DIAPH3: variants seen among roughly 807,000 people sequenced by gnomAD.
The protein encoded by DIAPH3 is diaphanous related formin 3.
DIAPH3 carries 117 observed loss-of-function variants against 144.3 expected under a neutral mutation model. The ratio of observed to expected loss-of-function variants is 0.81; its 90% confidence interval spans 0.70 to 0.95. DIAPH3 has a LOEUF of 0.95. Among genes scored for constraint, DIAPH3 ranks in the 40% least tolerant of loss-of-function variants. The pLI, the probability that DIAPH3 is intolerant of heterozygous loss-of-function variation, is 0.00. For synonymous variants in DIAPH3, 519 were observed against 488.9 expected, an observed-to-expected ratio of 1.06 and a Z score of -0.81; for missense variants, 1,421 against 1,412.7, an observed-to-expected ratio of 1.01 and a Z score of -0.09.
intron 27 of DIAPH3, among the ~76,000 whole-genome samples, chr13:59,727,088 T>G (rs1229190588): frequency 2.0e-5 from 3 of 152,152 alleles, no homozygotes; most frequent in African/African-American, 7.2e-5. Context: ...TACTTCTATC[T>G]GAAGAAACCT....
At chr13:60,003,693 C>T (rs1206835862) in intron 9 of DIAPH3, among the ~76,000 whole-genome samples, 2 of 152,018 alleles carry the variant, frequency 1.3e-5, no homozygotes, top group Non-Finnish European at 2.9e-5. Context: ...CCTGCCTCAG[C>T]CTCCCGAGTA....
At chr13:59,854,610 T>C (rs1430452586) in intron 22 of DIAPH3, among the ~76,000 whole-genome samples, 1 of 152,220 alleles carries the variant, frequency 6.6e-6, no homozygotes, top group South Asian at 2.1e-4. Context: ...TATACTATTC[T>C]GAAATTTTCT....
chr13:59,709,073 G>T (rs1411418821), intron 27 of DIAPH3, among the ~76,000 whole-genome samples: 2 of 152,046 alleles, frequency 1.3e-5, no homozygotes, highest in Non-Finnish European at 2.9e-5. Context: ...GCAGATCTAT[G>T]CCCATTTGGA....
intron 3 of DIAPH3, among the ~76,000 whole-genome samples, chr13:60,104,635 T>C (rs1446363130): frequency 6.6e-6 from 1 of 152,018 alleles, no homozygotes; most frequent in East Asian, 1.9e-4. Flanking sequence ...TTTTCTTTCA[T>C]ATACTGTAAA....
intron 20 of DIAPH3, among the ~76,000 whole-genome samples, chr13:59,884,174 C>T (rs1020199015): frequency 6.6e-6 from 1 of 152,088 alleles, no homozygotes; most frequent in African/African-American, 2.4e-5. Flanking sequence ...GTGAACTATG[C>T]ACGCAAAAGA....
chr13:59,795,796 A>G lies in DIAPH3; in HGVS notation c.3163+14992T>C, dbSNP rs542889004. On this transcript the variant is annotated intron_variant, in intron 25 of 27. Coordinates refer to ENST00000400324, the MANE Select transcript of DIAPH3 (RefSeq NM_001042517.2). ...CTGGGTGGCTTGCTATGGTTTCACA[A>G]CTTAAAGTTTGTTACTAGACAAACA... is the stretch of plus-strand genomic sequence containing the variant. Among the ~76,000 whole-genome samples, 50 of 152,256 alleles carry G rather than the reference A, an allele frequency of 3.3e-4. No individual in the cohort carries two copies. The South Asian group carries it at 3.5e-3, about 11-fold the overall frequency.
At chr13:60,066,469 T>G (rs1288430150) in intron 4 of DIAPH3, among the ~76,000 whole-genome samples, 1 of 152,188 alleles carries the variant, frequency 6.6e-6, no homozygotes, top group African/African-American at 2.4e-5. Context: ...CAGTCTAATA[T>G]TGTTTGCCAA....
intron 5 of DIAPH3, among the ~76,000 whole-genome samples, chr13:60,031,141 G>A (rs2054759983): frequency 6.6e-6 from 1 of 152,142 alleles, no homozygotes; most frequent in Non-Finnish European, 1.5e-5. Context: ...TTCTGGGAAG[G>A]CCTTAAGAAG....
intron 27 of DIAPH3, among the ~76,000 whole-genome samples, chr13:59,703,744 G>A (rs73208909): frequency 0.046 from 6,920 of 152,002 alleles, 180 homozygotes; most frequent in African/African-American, 0.055. Context: ...TCTTGTATGC[G>A]TGTTTATGTG....
intron 27 of DIAPH3, among the ~76,000 whole-genome samples, chr13:59,760,874 C>A (rs1566272149): frequency 6.6e-6 from 1 of 151,982 alleles, no homozygotes; most frequent in Non-Finnish European, 1.5e-5. Flanking sequence ...ACTAATTAAC[C>A]CAAAGAGGTT....
intron 2 of DIAPH3, among the ~76,000 whole-genome samples, 189 bp downstream of exon 2, chr13:60,132,768 C>T (rs902873635): frequency 2.6e-5 from 4 of 152,040 alleles, no homozygotes; most frequent in African/African-American, 9.7e-5. Flanking sequence ...ATCCACCATT[C>T]ACTTTACAAC....
At chr13:60,011,686 T>C (rs17730681) in intron 7 of DIAPH3, among the ~76,000 whole-genome samples, 10,630 of 152,158 alleles carry the variant, frequency 0.07, 408 homozygotes, top group Admixed American at 0.11. Flanking sequence ...GGCCTAGATA[T>C]TAGCACTTAG....
intron 27 of DIAPH3, among the ~76,000 whole-genome samples, chr13:59,735,564 G>C (rs2036101235): frequency 3.3e-5 from 5 of 152,008 alleles, no homozygotes; most frequent in African/African-American, 1.2e-4. Context: ...TATATGAGAG[G>C]GAGAAGAGAA....
rs565792953 is a variant in DIAPH3 at position 59,991,401 on chromosome 13, T to C, written c.1245-127A>G. 321 of 718,410 alleles carry C rather than the reference T, an allele frequency of 4.5e-4. 2 individuals are homozygous for C. In the South Asian group the frequency reaches 4.9e-3, roughly 11 times the overall value. 44.5% of individuals were successfully genotyped at this position (718,410 alleles called of 1,614,324 possible). ...GGCATCTTATATATTCAACATAAAA[T>C]ACAGATATTTAGGATTGAGGGTAGT... On this transcript the variant is annotated intron_variant, in intron 11 of 27. Transcript: ENST00000400324.
intron 27 of DIAPH3, among the ~76,000 whole-genome samples, chr13:59,675,127 G>A (rs919223199): frequency 6.6e-6 from 1 of 152,084 alleles, no homozygotes; most frequent in African/African-American, 2.4e-5. Flanking sequence ...ATGCGATGGT[G>A]CCATGATGGC....
intron 20 of DIAPH3, among the ~76,000 whole-genome samples, chr13:59,898,353 C>T (rs1235594062): frequency 6.6e-6 from 1 of 151,958 alleles, no homozygotes; most frequent in Non-Finnish European, 1.5e-5. Context: ...TACAACGTTT[C>T]ATAACTAGAT....
Position 59,833,221 on chromosome 13 carries a change from G to T in DIAPH3, c.2913C>A (p.His971Gln), listed in dbSNP as rs779850464. 7 of 1,609,346 alleles carry T rather than the reference G, an allele frequency of 4.3e-6. No homozygotes were observed. The highest frequency in any genetic ancestry group is 2.2e-5 in the South Asian group (2 of 90,664). Reference protein sequence around the residue: ...KEQYETLSKLHENMEKLYQSI... With the variant: ...KEQYETLSKLQENMEKLYQSI... ...TCTGGTATAACTTTTCCATGTTTTC[G>T]TGTAACTTCGAAAGTGTCTCATATT... is the stretch of plus-strand genomic sequence containing the variant. The change falls in exon 24 of 28, where the codon CAC (histidine) becomes CAA (glutamine). Residue 971 changes from histidine to glutamine, a missense_variant. Physicochemically the swap from His to Gln is conservative, Grantham distance 24. Transcript: ENST00000400324.
intron 27 of DIAPH3, among the ~76,000 whole-genome samples, chr13:59,682,815 CAT>C (rs1350372788): frequency 6.6e-6 from 1 of 152,132 alleles, no homozygotes; most frequent in African/African-American, 2.4e-5. Context: ...GTATTTCTCT[CAT>C]ATGTTTTGTA....
intron 4 of DIAPH3, among the ~76,000 whole-genome samples, chr13:60,049,406 T>TC (rs1415976764): frequency 6.6e-6 from 1 of 152,162 alleles, no homozygotes; most frequent in Non-Finnish European, 1.5e-5. Context: ...TATTGAACTG[T>TC]CCAACTTGAA....
Sources: allele counts gnomAD v4.1 joint callset (sites outside exome capture counted in the v4.1 genomes callset), GRCh38; gene constraint gnomAD v4.1.1; transcripts MANE v1.5; gene names NCBI Gene and HGNC (gene_info 2026-07-23, HGNC 2026-07-21).